Variants in ERN1 observed in about 807,000 individuals in gnomAD.
ERN1 encodes serine/threonine-protein kinase/endoribonuclease IRE1.
ERN1 carries 39 observed loss-of-function variants against 113.1 expected under a neutral mutation model. That is an observed-to-expected ratio of 0.34 (90% CI 0.27 to 0.45). The LOEUF is 0.45. Ranked by LOEUF, ERN1 falls within the 20% of genes least tolerant of loss-of-function variation. The pLI is 1.00. For missense variants in ERN1, 976 were observed against 1,274.8 expected, an observed-to-expected ratio of 0.77 and a Z score of 3.57; for synonymous variants, 507 against 515.9, an observed-to-expected ratio of 0.98 and a Z score of 0.23.
At chr17:64,113,933 C>T (rs796383071) in intron 1 of ERN1, among the ~76,000 whole-genome samples, 3 of 152,022 alleles carry the variant, frequency 2.0e-5, no homozygotes, top group Non-Finnish European at 4.4e-5. Context: ...CCACCCACCT[C>T]GGCCTCCCAA....
Position 64,102,730 on chromosome 17 carries a change from C to A in ERN1, c.55-4489G>T, listed in dbSNP as rs537745378. 5 of 985,416 alleles carry A rather than the reference C, an allele frequency of 5.1e-6. No homozygotes were observed. In the South Asian group the frequency reaches 2.3e-4, roughly 46 times the overall value. 61.0% of individuals were successfully genotyped at this position (985,416 alleles called of 1,614,324 possible). ...GAACTTGTGCCTTGTCTTTGCCCAG[C>A]CATTTCAGTCCTCAGTGCTCACTTT... On this transcript the variant is annotated intron_variant, in intron 1 of 21. Transcript: ENST00000433197.
Position 64,063,358 on chromosome 17 carries a change from G to C in ERN1, c.1087+628C>G, listed in dbSNP as rs1224705874. Among the ~76,000 whole-genome samples, 1 of 152,224 alleles carries C rather than the reference G, an allele frequency of 6.6e-6. No individual in the cohort carries two copies. Among genetic ancestry groups the C allele is most frequent in the Non-Finnish European group, 1.5e-5 (1 of 68,046 alleles). ...GTCACACTCACTGCCAACTCAAGAAGTGTCATCTCAACTTATCTCTCTTGG... is the reference window on the plus strand; with the variant it reads ...GTCACACTCACTGCCAACTCAAGAACTGTCATCTCAACTTATCTCTCTTGG... On this transcript the variant is annotated intron_variant, in intron 10 of 21. Transcript: ENST00000433197. The surrounding 1 kb of genome is among the most constrained non-coding windows in gnomAD (Gnocchi z 5.1).
intron 1 of ERN1, among the ~76,000 whole-genome samples, chr17:64,099,658 C>T (rs1298304372): frequency 6.6e-6 from 1 of 151,920 alleles, no homozygotes; most frequent in Admixed American, 6.6e-5. Flanking sequence ...TGCATGGGAG[C>T]CTGATCCCAG....
intron 1 of ERN1, among the ~76,000 whole-genome samples, chr17:64,109,551 C>G (rs1914619080): frequency 6.6e-6 from 1 of 152,228 alleles, no homozygotes; most frequent in South Asian, 2.1e-4. Context: ...CCACCTTCCT[C>G]TCTCCAATTA....
At chr17:64,108,741 T>C (rs1012351356) in intron 1 of ERN1, among the ~76,000 whole-genome samples, 3 of 152,210 alleles carry the variant, frequency 2.0e-5, no homozygotes, top group African/African-American at 7.2e-5. Context: ...CCTGACAGAC[T>C]ATAAATTTGT....
chr17:64,085,547 A>G (rs956147896), intron 2 of ERN1, among the ~76,000 whole-genome samples: 3 of 152,154 alleles, frequency 2.0e-5, no homozygotes, highest in Admixed American at 2.0e-4. Flanking sequence ...CTGGGAATCA[A>G]ATTTCAACAT....
chr17:64,130,134 G>C lies in ERN1; in HGVS notation c.-105C>G. 2 of 1,068,076 alleles carry C rather than the reference G, an allele frequency of 1.9e-6. No homozygotes were observed. The highest frequency in any genetic ancestry group is 1.2e-6 in the Non-Finnish European group (1 of 827,776). 66.2% of individuals were successfully genotyped at this position (1,068,076 alleles called of 1,614,324 possible). A position where few individuals can be genotyped will look rare whatever the true frequency, so the allele number is the denominator to read the frequency against. On this transcript the variant is annotated 5_prime_UTR_variant, in exon 1 of 22. Transcript: ENST00000433197. The surrounding 1 kb of genome is among the most constrained non-coding windows in gnomAD (Gnocchi z 4.0). ...ACCGAGCCTCAGCGGACGCAGAACT[G>C]ACTAGGCAGCGGCGGCACCCCCATT...
At chr17:64,106,715 T>TACAC (rs58544303) in intron 1 of ERN1, among the ~76,000 whole-genome samples, 13,439 of 103,222 alleles carry the variant, frequency 0.13, 1,228 homozygotes, top group Admixed American at 0.19. Flanking sequence ...CAGGGTTTCT[T>TACAC]ACACACACAC....
intron 1 of ERN1, among the ~76,000 whole-genome samples, chr17:64,109,933 C>T (rs1914630044): frequency 6.6e-6 from 1 of 152,348 alleles, no homozygotes; most frequent in South Asian, 2.1e-4. Context: ...TGAAGATCAG[C>T]ACTCCACTTT....
chr17:64,046,449 T>C (rs1474308874), intron 19 of ERN1, among the ~76,000 whole-genome samples: 3 of 152,252 alleles, frequency 2.0e-5, no homozygotes, highest in African/African-American at 7.2e-5. Context: ...TCCTGTTCTA[T>C]ATTTTGCGAT....
intron 1 of ERN1, among the ~76,000 whole-genome samples, chr17:64,126,658 T>G (rs1915088528): frequency 6.7e-6 from 1 of 149,132 alleles, no homozygotes; most frequent in Non-Finnish European, 1.5e-5. Flanking sequence ...TTTAATTTCA[T>G]GATCAGCAGC....
At chr17:64,109,135 GA>G (rs60665849) in intron 1 of ERN1, among the ~76,000 whole-genome samples, 3 of 144,384 alleles carry the variant, frequency 2.1e-5, no homozygotes. Flanking sequence ...AAAAAAAATA[GA>G]AAAAAAAAAG....
At chr17:64,052,235 A>G (rs1912707220) in intron 17 of ERN1, among the ~76,000 whole-genome samples, 2 of 152,208 alleles carry the variant, frequency 1.3e-5, no homozygotes, top group Non-Finnish European at 2.9e-5. Context: ...AAATTATCAA[A>G]ATAAGTTGAG....
chr17:64,102,568 G>T, intron 1 of ERN1: 2 of 795,460 alleles, frequency 2.5e-6, no homozygotes, highest in Non-Finnish European at 3.0e-6. Flanking sequence ...ATTTTTAAAA[G>T]CATGAACATG....
chr17:64,043,051 T>C lies in ERN1; in HGVS notation c.*937A>G, dbSNP rs1220206528. ...CACGAGCCTCTTGTTCCACCGGCCT[T>C]GGGGACGAAGGAGTTTGACTGCCTA... is the stretch of plus-strand genomic sequence containing the variant. On this transcript the variant is annotated 3_prime_UTR_variant, in exon 22 of 22. Transcript: ENST00000433197. 6.6e-6 allele frequency: 1 copy of C among 152,400 alleles called. No homozygotes were observed. The highest frequency in any genetic ancestry group is 2.4e-5 in the African/African-American group (1 of 41,450). The allele number at this position is 152,400 out of a possible 1,614,324, so 9.4% of individuals were successfully genotyped here. A position where few individuals can be genotyped will look rare whatever the true frequency, so the allele number is the denominator to read the frequency against.
Position 64,068,299 on chromosome 17 carries a change from A to G in ERN1, c.479-8T>C, listed in dbSNP as rs1913301975. On this transcript the variant is annotated splice_polypyrimidine_tract_variant and splice_region_variant and intron_variant, in intron 6 of 21. Coordinates refer to ENST00000433197, the MANE Select transcript of ERN1 (RefSeq NM_001433.5). ...ACATGGTGATGGTGTATTCTAAAGA[A>G]CACAGACCAGCCAGCCCATTACCAC... 1 of 1,604,618 alleles carries G rather than the reference A, an allele frequency of 6.2e-7. No homozygotes were observed. Among genetic ancestry groups the G allele is most frequent in the Admixed American group, 1.7e-5 (1 of 59,132 alleles).
chr17:64,068,334 A>T (rs746215707), intron 6 of ERN1, 43 bp from the exon 7 acceptor site: 84 of 1,356,950 alleles, frequency 6.2e-5, no homozygotes, highest in Non-Finnish European at 8.5e-5. Context: ...CGGAGGGGCC[A>T]TAGTACCTAC....
At chr17:64,105,254 G>A (rs949998352) in intron 1 of ERN1, among the ~76,000 whole-genome samples, 4 of 152,150 alleles carry the variant, frequency 2.6e-5, no homozygotes, top group African/African-American at 9.7e-5. Flanking sequence ...GACTACAGGT[G>A]TGTGACACCA....
chr17:64,044,117 A>T lies in ERN1; in HGVS notation c.2805T>A (p.Ser935=). 6.2e-7 allele frequency: 1 copy of T among 1,611,838 alleles called. No individual in the cohort carries two copies. The highest frequency in any genetic ancestry group is 2.2e-5 in the East Asian group (1 of 44,748). ...LPDDFVCYFT[S]RFPHLLAHTY... is the part of the protein sequence containing the mutation. ...TGTGTGCGAGGAGGTGGGGGAAGCG[A>T]GATGTGAAGTAGCACACGAAGTCGT... The change falls in exon 22 of 22, where the codon TCT becomes TCA. Residue 935 remains serine, a synonymous_variant. Transcript: ENST00000433197. This position sits in a 1 kb window ranked among gnomAD's most constrained non-coding sequence, Gnocchi z 4.1.
Sources: allele counts gnomAD v4.1 joint callset (sites outside exome capture counted in the v4.1 genomes callset), GRCh38; gene constraint gnomAD v4.1.1; non-coding constraint Gnocchi (gnomAD v3.1); transcripts MANE v1.5; gene names NCBI Gene and HGNC (gene_info 2026-07-23, HGNC 2026-07-21).